The following ERLEC1 variants were observed in gnomAD, a reference collection of about 807,000 sequenced individuals.
The protein encoded by ERLEC1 is endoplasmic reticulum lectin 1.
ERLEC1 carries 47 observed loss-of-function variants against 68.0 expected under a neutral mutation model. That is an observed-to-expected ratio of 0.69 (90% CI 0.55 to 0.88). The LOEUF is 0.88. ERLEC1 is among the 40% of genes least tolerant of loss of function. The pLI is 0.00. For synonymous variants in ERLEC1, 225 were observed against 203.2 expected (o/e 1.11, Z -0.91); for missense variants, 567 against 583.8 (o/e 0.97, Z 0.30).
At chr2:53,791,608 G>A (rs1359795289) in intron 1 of ERLEC1, among the ~76,000 whole-genome samples, 1 of 152,122 alleles carries the variant, frequency 6.6e-6, no homozygotes, top group Non-Finnish European at 1.5e-5. Flanking sequence ...AGAGTTTTCA[G>A]ATAGAATTGC....
At chr2:53,799,352 C>G (rs915590433) in intron 6 of ERLEC1, among the ~76,000 whole-genome samples, 1 of 152,120 alleles carries the variant, frequency 6.6e-6, no homozygotes, top group African/African-American at 2.4e-5. Flanking sequence ...ATATCACTTA[C>G]GTGCTTAGCA....
At chr2:53,807,394 C>G (rs954193484) in intron 8 of ERLEC1, among the ~76,000 whole-genome samples, 1 of 139,254 alleles carries the variant, frequency 7.2e-6, no homozygotes, top group Non-Finnish European at 1.5e-5. Flanking sequence ...GTCTACTGTC[C>G]TCTGTGCCCT....
chr2:53,801,925 T>A, intron 8 of ERLEC1, 83 bp downstream of exon 8: 1 of 1,158,592 alleles, frequency 8.6e-7, no homozygotes, highest in Non-Finnish European at 1.3e-6. Context: ...ATGATTTCTG[T>A]AGTATAATGG....
At chr2:53,800,446 C>G (rs1471833994) in intron 6 of ERLEC1, among the ~76,000 whole-genome samples, 2 of 152,048 alleles carry the variant, frequency 1.3e-5, no homozygotes, top group Admixed American at 1.3e-4. Flanking sequence ...AGCCATAAAT[C>G]TAGTAAATTT....
intron 1 of ERLEC1, 173 bp downstream of exon 1, chr2:53,787,545 T>G (rs886302615): frequency 1.7e-5 from 11 of 666,514 alleles, no homozygotes; most frequent in Admixed American, 3.3e-5. Flanking sequence ...TCTCACGTTA[T>G]GTGGATGCGT....
intron 3 of ERLEC1, among the ~76,000 whole-genome samples, chr2:53,797,208 A>C (rs2104293496): frequency 6.6e-6 from 1 of 152,084 alleles, no homozygotes; most frequent in East Asian, 1.9e-4. Flanking sequence ...TATATAATAG[A>C]ATTTTAATTT....
At chr2:53,790,751 G>A (rs925529766) in intron 1 of ERLEC1, among the ~76,000 whole-genome samples, 1 of 152,200 alleles carries the variant, frequency 6.6e-6, no homozygotes, top group East Asian at 1.9e-4. Flanking sequence ...GGGATTATAG[G>A]CATGAGCCAC....
chr2:53,813,833 C>T (rs1156338583), intron 11 of ERLEC1, among the ~76,000 whole-genome samples: 1 of 151,482 alleles, frequency 6.6e-6, no homozygotes, highest in Non-Finnish European at 1.5e-5. Flanking sequence ...TACATGTGCA[C>T]AATGTGCAGG....
intron 10 of ERLEC1, among the ~76,000 whole-genome samples, chr2:53,812,465 T>G (rs1676641918): frequency 6.6e-6 from 1 of 152,104 alleles, no homozygotes; most frequent in Admixed American, 6.6e-5. Flanking sequence ...ATGAATAGTG[T>G]AAAGATCAGT....
intron 13 of ERLEC1, among the ~76,000 whole-genome samples, chr2:53,817,227 G>A (rs537761488): frequency 2.0e-4 from 31 of 151,716 alleles, no homozygotes; most frequent in African/African-American, 7.2e-4. Flanking sequence ...TCCACCTCCC[G>A]GGTTCAAGTT....
chr2:53,809,103 C>T (rs1335920881), intron 9 of ERLEC1, 111 bp from the exon 10 acceptor site: 2 of 730,788 alleles, frequency 2.7e-6, no homozygotes, highest in Non-Finnish European at 4.6e-6. Context: ...TTCAACCATA[C>T]TATTGCTTTT....
intron 2 of ERLEC1, among the ~76,000 whole-genome samples, chr2:53,795,242 C>G (rs1675627019): frequency 6.6e-6 from 1 of 152,130 alleles, no homozygotes; most frequent in Non-Finnish European, 1.5e-5. Context: ...GGACACCGGC[C>G]TAGGAGCCAG....
intron 13 of ERLEC1, among the ~76,000 whole-genome samples, chr2:53,817,618 T>C (rs113241258): frequency 1.8e-4 from 27 of 152,242 alleles, no homozygotes; most frequent in African/African-American, 6.3e-4. Flanking sequence ...TCTATCATTT[T>C]TGTTGTATAA....
intron 8 of ERLEC1, among the ~76,000 whole-genome samples, chr2:53,803,445 A>G (rs1261493997): frequency 6.6e-6 from 1 of 152,236 alleles, no homozygotes. Context: ...CTTCAAGGAA[A>G]AGATGCCAGT....
At position 53,787,385 on chromosome 2, in the gene ERLEC1, A is replaced by C; in HGVS notation, c.162+13A>C. The C allele has an allele frequency of 6.3e-7, 1 of 1,599,366 alleles. No individual in the cohort carries two copies. Among genetic ancestry groups the C allele is most frequent in the Non-Finnish European group, 8.5e-7 (1 of 1,172,368 alleles). On this transcript the variant is annotated intron_variant, in intron 1 of 13. Transcript: ENST00000185150. ...CGAGTTCTCTCTGGTCAGTGCCCTC[A>C]CTAACCCCGCAGCCACCCCTCCTCC...
chr2:53,801,363 A>G, intron 6 of ERLEC1, 34 bp from the exon 7 acceptor site: 2 of 1,559,996 alleles, frequency 1.3e-6, no homozygotes, highest in Non-Finnish European at 1.8e-6. Flanking sequence ...TCCATGTCTA[A>G]TGAAAAGTCT....
In ERLEC1 at chr2:53,787,252, C is replaced by A; in HGVS notation, c.42C>A (p.Gly14=). The A allele has an allele frequency of 6.2e-7, 1 of 1,607,060 alleles. No homozygotes were observed. Residue 14 remains glycine (G), a synonymous_variant, in exon 1 of 14, where the codon GGC becomes GGA. Transcript: ENST00000185150. The part of the protein sequence containing the change: ...GGGGVRSLVP[G]GPVLLVLCGL... ...GCGGCGTACGGAGTCTGGTCCCGGG[C>A]GGGCCGGTGTTACTGGTCCTCTGCG...
At chr2:53,804,746 G>A (rs2692518) in intron 8 of ERLEC1, among the ~76,000 whole-genome samples, 81,734 of 151,786 alleles carry the variant, frequency 0.54, 22,325 homozygotes, top group East Asian at 0.62. Flanking sequence ...AGTAGGTCTT[G>A]TTCATTCTAA....
In ERLEC1 at chr2:53,818,117, G is replaced by A. The variant is rs1029979084; in HGVS notation, c.*148G>A. The A allele has an allele frequency of 2.5e-5, 13 of 511,476 alleles. No homozygotes were observed. Among genetic ancestry groups the A allele is most frequent in the Non-Finnish European group, 4.5e-5 (13 of 285,766 alleles). The allele number at this position is 511,476 out of a possible 1,614,324, so 31.7% of individuals were successfully genotyped here. On this transcript the variant is annotated 3_prime_UTR_variant, in exon 14 of 14. Coordinates refer to ENST00000185150, the MANE Select transcript of ERLEC1 (RefSeq NM_015701.5). ...TCAACCACTTTGTGAATACATATGT[G>A]TATATAAGAGGTTATTGATAAACTT... is the stretch of plus-strand genomic sequence containing the variant.
Sources: gnomAD v4.1 joint callset for allele counts (sites outside exome capture counted in the v4.1 genomes callset) on GRCh38, gnomAD v4.1.1 for gene constraint, MANE v1.5 for transcripts, NCBI Gene and HGNC (gene_info 2026-07-23, HGNC 2026-07-21) for gene names.